The following SPTBN5 variants were observed in gnomAD, a reference collection of about 807,000 sequenced individuals.
SPTBN5 encodes spectrin beta, non-erythrocytic 5.
SPTBN5 carries 513 observed loss-of-function variants against 477.6 expected under a neutral mutation model. The observed-to-expected ratio is 1.07, with a 90% CI of 1.00 to 1.16. The LOEUF is 1.16. Among genes scored for constraint, SPTBN5 ranks in the 50% most tolerant of loss-of-function variants. The probability of loss-of-function intolerance (pLI) is 0.00; values close to 1 mark genes in which losing one functional copy is unlikely to be tolerated. For synonymous variants in SPTBN5, 2,169 were observed against 2,011.7 expected, an observed-to-expected ratio of 1.08 and a Z score of -2.09; for missense variants, 5,062 against 4,731.8, an observed-to-expected ratio of 1.07 and a Z score of -2.05.
intron 36 of SPTBN5, 137 bp from the exon 37 acceptor site, chr15:41,866,630 G>T (rs558491719): frequency 4.6e-6 from 5 of 1,075,506 alleles, no homozygotes; most frequent in South Asian, 2.0e-5. Context: ...AGCCCTGAAG[G>T]TTCCAGCTCC....
chr15:41,862,869 T>A lies in SPTBN5; in HGVS notation c.7184A>T (p.Asp2395Val). ...ALIQALDCGK[D>V]LESVQRLLRK... ...CAGCAGCCTCTGCACGCTCTCCAGA[T>A]CTTTCCCACAGTCCAGGGCCTGGAT... Residue 2395 changes from aspartate (D) to valine (V), a missense_variant, in exon 42 of 68, where the codon GAT becomes GTT. Physicochemically the swap from Asp to Val is radical, Grantham distance 152. Coordinates refer to ENST00000320955, the MANE Select transcript of SPTBN5 (RefSeq NM_016642.4). 1 of 1,588,902 alleles carries A rather than the reference T, an allele frequency of 6.3e-7. No homozygotes were observed.
At position 41,893,419 on chromosome 15, in the gene SPTBN5, G is replaced by A. The variant is rs370007471; in HGVS notation, c.79C>T (p.Arg27Trp). Residue 27 changes from arginine to tryptophan, a missense_variant, in exon 2 of 68, where the codon CGG becomes TGG. Arg to Trp is a moderately radical substitution (Grantham distance 101). Coordinates refer to ENST00000320955, the MANE Select transcript of SPTBN5 (RefSeq NM_016642.4). ...HRSRRPSTEL[R>W]VPPSPSLTMD... is the part of the protein sequence containing the mutation. Reference sequence around the variant, plus strand: ...GTGAGACTTGGACTGGGCGGGACCCGGAGTTCTGTGCTGGGCCTCCTGCTG... The same window carrying A: ...GTGAGACTTGGACTGGGCGGGACCCAGAGTTCTGTGCTGGGCCTCCTGCTG... The A allele has an allele frequency of 1.4e-4, 224 of 1,613,068 alleles. No individual in the cohort carries two copies. The African/African-American group carries it at 2.6e-3, about 18-fold the overall frequency.
chr15:41,850,319 T>G (rs778217527), intron 66 of SPTBN5: 8 of 296,176 alleles, frequency 2.7e-5, no homozygotes, highest in Non-Finnish European at 4.6e-5. Flanking sequence ...CCCAGACACA[T>G]TCCCTGAACA....
chr15:41,860,261 C>T (rs190397699), intron 47 of SPTBN5, among the ~76,000 whole-genome samples: 5 of 152,330 alleles, frequency 3.3e-5, no homozygotes, highest in East Asian at 1.9e-4. Context: ...CCTGGAAGGC[C>T]GATGCTTGAC....
chr15:41,859,931 AG>A (rs2066047690), intron 47 of SPTBN5, among the ~76,000 whole-genome samples: 1 of 152,202 alleles, frequency 6.6e-6, no homozygotes, highest in Non-Finnish European at 1.5e-5. Context: ...AGCCCCCACC[AG>A]TCTGGGATCT....
chr15:41,851,919 C>G, intron 62 of SPTBN5, 69 bp from the exon 63 acceptor site: 2 of 1,242,378 alleles, frequency 1.6e-6, no homozygotes, highest in Non-Finnish European at 2.3e-6. Context: ...AAGGCACCCA[C>G]TGCCCCCAGC....
In SPTBN5 at chr15:41,861,760, T is replaced by C. The variant is rs1452661108; in HGVS notation, c.7712A>G (p.Gln2571Arg). 6.4e-7 allele frequency: 1 copy of C among 1,551,672 alleles called. No individual in the cohort carries two copies. The highest frequency in any genetic ancestry group is 2.4e-5 in the East Asian group (1 of 41,728). The change falls in exon 45 of 68, where the codon CAG (glutamine) becomes CGG (arginine). Residue 2571 changes from glutamine (Q) to arginine (R), a missense_variant. Gln to Arg is a conservative substitution (Grantham distance 43). Coordinates refer to ENST00000320955, the MANE Select transcript of SPTBN5 (RefSeq NM_016642.4). ...LEGAWQEHQL[Q>R]LQQALELQLF... ...CTGTAGCTCCAGGGCCTGCTGCAGC[T>C]GTAGCTGATGCTCCTGCCAGGCCCC...
chr15:41,886,218 G>GC lies in SPTBN5; in HGVS notation c.1036dup (p.Ala346GlyfsTer44). The GC allele has an allele frequency of 6.2e-7, 1 of 1,613,088 alleles. No homozygotes were observed. Among genetic ancestry groups the GC allele is most frequent in the East Asian group, 2.2e-5 (1 of 44,888 alleles). On this transcript the variant is annotated frameshift_variant, in exon 7 of 68. Coordinates refer to ENST00000320955, the MANE Select transcript of SPTBN5 (RefSeq NM_016642.4). LOFTEE classifies it high-confidence loss of function. ...CTGGGTGCGGAAGATGGTGAATGCT[G>GC]CCAGTAGCTGCCGCATGGCGGGCAG...
intron 56 of SPTBN5, 136 bp downstream of exon 56, chr15:41,854,646 G>C: frequency 1.4e-6 from 1 of 707,370 alleles, no homozygotes. Flanking sequence ...CTGAGCAGGT[G>C]AGGGAAAAGG....
Position 41,852,697 on chromosome 15 carries a change from G to A in SPTBN5, c.10386C>T (p.His3462=). 4.3e-6 allele frequency: 7 copies of A among 1,613,464 alleles called. No homozygotes were observed. Among genetic ancestry groups the A allele is most frequent in the Non-Finnish European group, 5.9e-6 (7 of 1,179,850 alleles). ...VSDVELLLHR[H]QDLEKLLAAQ... is the part of the protein sequence containing the mutation. ...CTGCCAGCAGCTTTTCTAAGTCCTG[G>A]TGTCTGTGCAGCAGCAACTCCACAT... is the stretch of plus-strand genomic sequence containing the variant. Residue 3462 remains histidine (H), a synonymous_variant, in exon 61 of 68, where the codon CAC becomes CAT. Coordinates refer to ENST00000320955, the MANE Select transcript of SPTBN5 (RefSeq NM_016642.4).
At chr15:41,882,229 C>T in intron 11 of SPTBN5, 40 bp downstream of exon 11, 1 of 1,263,850 alleles carries the variant, frequency 7.9e-7, no homozygotes, top group Admixed American at 2.8e-5. Flanking sequence ...CCCGCCTCGC[C>T]GGGCCCCGCC....
At chr15:41,854,423 G>C (rs908893985) in intron 56 of SPTBN5, among the ~76,000 whole-genome samples, 3 of 152,124 alleles carry the variant, frequency 2.0e-5, no homozygotes, top group African/African-American at 7.2e-5. Flanking sequence ...GTGGGGAGAG[G>C]AGAGGGCCTC....
At position 41,853,573 on chromosome 15, in the gene SPTBN5, G is replaced by T. The variant is rs894305611; in HGVS notation, c.9980+9C>A. The T allele has an allele frequency of 6.4e-7, 1 of 1,562,456 alleles. No individual in the cohort carries two copies. On this transcript the variant is annotated intron_variant, in intron 58 of 67. Transcript: ENST00000320955. ...AGAGCTGAGCCGGCAGCTGAGGTAGGACACCTACAGCAGTTCCTGGCAGCG... is the reference window on the plus strand; with the variant it reads ...AGAGCTGAGCCGGCAGCTGAGGTAGTACACCTACAGCAGTTCCTGGCAGCG...
At chr15:41,881,285 G>A (rs2066943200) in intron 12 of SPTBN5, 51 bp from the exon 13 acceptor site, 3 of 1,511,038 alleles carry the variant, frequency 2.0e-6, no homozygotes, top group Non-Finnish European at 8.9e-7. Context: ...AAGCAGCAGG[G>A]GCTTTGGCCA....
Position 41,876,794 on chromosome 15 carries a change from T to C in SPTBN5, c.3851+15A>G. Reference sequence around the variant, plus strand: ...AGGGTCATCTGCAGGTGCTGCAGACTGAGGCCAGGCTCACGTGTGTGCAGC... The same window carrying C: ...AGGGTCATCTGCAGGTGCTGCAGACCGAGGCCAGGCTCACGTGTGTGCAGC... On this transcript the variant is annotated intron_variant, in intron 19 of 67. Coordinates refer to ENST00000320955, the MANE Select transcript of SPTBN5 (RefSeq NM_016642.4). 1 of 1,609,572 alleles carries C rather than the reference T, an allele frequency of 6.2e-7. No individual in the cohort carries two copies. The highest frequency in any genetic ancestry group is 1.3e-5 in the African/African-American group (1 of 75,008).
intron 47 of SPTBN5, 34 bp from the exon 48 acceptor site, chr15:41,859,014 A>C: frequency 1.4e-6 from 2 of 1,465,270 alleles, no homozygotes; most frequent in Non-Finnish European, 1.8e-6. Flanking sequence ...GCCTGGAGCC[A>C]CCCCCGGGGC....
intron 26 of SPTBN5, 40 bp from the exon 27 acceptor site, chr15:41,872,499 G>A (rs547793258): frequency 6.5e-7 from 1 of 1,532,680 alleles, no homozygotes; most frequent in East Asian, 2.5e-5. Context: ...CAGCCTGGGT[G>A]ACTCATCCAC....
At position 41,861,939 on chromosome 15, in the gene SPTBN5, G is replaced by C. The variant is rs912855940; in HGVS notation, c.7549-16C>G. 6.3e-7 allele frequency: 1 copy of C among 1,591,048 alleles called. No individual in the cohort carries two copies. The highest frequency in any genetic ancestry group is 1.3e-5 in the African/African-American group (1 of 74,508). On this transcript the variant is annotated splice_polypyrimidine_tract_variant and intron_variant, in intron 44 of 67. Transcript: ENST00000320955. ...CCAGCTCGGCCTGGAACAGGACTGGGCTCAGATCACTGGGGGCTGGAAGCA... is the reference window on the plus strand; with the variant it reads ...CCAGCTCGGCCTGGAACAGGACTGGCCTCAGATCACTGGGGGCTGGAAGCA...
chr15:41,849,751 T>G, intron 67 of SPTBN5, 118 bp downstream of exon 67: 1 of 774,894 alleles, frequency 1.3e-6, no homozygotes, highest in Non-Finnish European at 2.1e-6. Flanking sequence ...CAATAGCATT[T>G]CCCTACAGCC....
Sources: allele counts gnomAD v4.1 joint callset (sites outside exome capture counted in the v4.1 genomes callset), GRCh38; gene constraint gnomAD v4.1.1; transcripts MANE v1.5; gene names NCBI Gene and HGNC (gene_info 2026-07-23, HGNC 2026-07-21).